Variants in WTAP observed in about 807,000 individuals in gnomAD.
WTAP encodes pre-mRNA-splicing regulator WTAP.
In WTAP, 8 loss-of-function variants were observed where a neutral mutation model predicts 50.0. The ratio of observed to expected loss-of-function variants is 0.16; its 90% confidence interval spans 0.09 to 0.29. The LOEUF (loss-of-function observed/expected upper bound fraction) is 0.29, where lower values mean the gene tolerates loss of function less well. Among genes scored for constraint, WTAP ranks in the 10% least tolerant of loss-of-function variants. The pLI is 1.00. For synonymous variants in WTAP, 194 were observed against 169.0 expected, an observed-to-expected ratio of 1.15 and a Z score of -1.15; for missense variants, 295 against 470.7, an observed-to-expected ratio of 0.63 and a Z score of 3.45.
Position 159,755,047 on chromosome 6 carries a change from C to T in WTAP, c.627C>T (p.Ile209=). The stretch of plus-strand genomic sequence containing the variant: ...GCACAGAACTGAATGACTTCATCAT[C>T]CAGCTTGATGAAGAAGTAGAGGGTA... ...SSQDELNDFI[I]QLDEEVEGMQ... Residue 209 remains isoleucine, a synonymous_variant, in exon 8 of 8, where the codon ATC becomes ATT. Transcript: ENST00000621533. 1 of 1,612,702 alleles carries T rather than the reference C, an allele frequency of 6.2e-7. No individual in the cohort carries two copies. The highest frequency in any genetic ancestry group is 8.5e-7 in the Non-Finnish European group (1 of 1,179,178).
intron 1 of WTAP, among the ~76,000 whole-genome samples, chr6:159,734,068 G>C (rs943040340): frequency 6.6e-6 from 1 of 152,184 alleles, no homozygotes; most frequent in African/African-American, 2.4e-5. Flanking sequence ...CATTTATAAA[G>C]TGGAGTTGAG....
In WTAP at chr6:159,755,767, T is replaced by TAA; in HGVS notation, c.*156_*157insAA. On this transcript the variant is annotated 3_prime_UTR_variant, in exon 8 of 8. Transcript: ENST00000621533. ...TTTCTTTGTTTTTTTTTTCTTTTCT[T>TAA]TTTTTTTTTTTTTTTTTTTTTTTGC... 2.9e-6 allele frequency: 1 copy of TAA among 343,090 alleles called. No homozygotes were observed. The highest frequency in any genetic ancestry group is 4.0e-6 in the Non-Finnish European group (1 of 251,772). 21.3% of individuals were successfully genotyped at this position (343,090 alleles called of 1,614,324 possible).
At chr6:159,741,893 C>G (rs964961811) in intron 3 of WTAP, 195 bp from the exon 4 acceptor site, 1 of 470,072 alleles carries the variant, frequency 2.1e-6, no homozygotes. Flanking sequence ...CGCTTGAGCC[C>G]AGACCCTGTT....
intron 5 of WTAP, 57 bp downstream of exon 5, chr6:159,743,849 A>G: frequency 2.7e-6 from 4 of 1,500,870 alleles, no homozygotes; most frequent in East Asian, 2.4e-5. Context: ...TTTAGTCCAC[A>G]TTATTACATG....
Position 159,755,788 on chromosome 6 carries a change from T to TTTTTTTTTTTTTTTTTTTTTTTTTTTTTA in WTAP, c.*179_*180insTTTTTTTTTTTTTTTTTTTTTTTTTTATT. The TTTTTTTTTTTTTTTTTTTTTTTTTTTTTA allele has an allele frequency of 1.0e-6, 1 of 964,794 alleles. No homozygotes were observed. Among genetic ancestry groups the TTTTTTTTTTTTTTTTTTTTTTTTTTTTTA allele is most frequent in the Non-Finnish European group, 1.3e-6 (1 of 743,806 alleles). 59.8% of individuals were successfully genotyped at this position (964,794 alleles called of 1,614,324 possible). ...TTCTTTTTTTTTTTTTTTTTTTTTT[T>TTTTTTTTTTTTTTTTTTTTTTTTTTTTTA]TTGCTTCAATACTTCTGCCGCTTTG... On this transcript the variant is annotated 3_prime_UTR_variant, in exon 8 of 8. Coordinates refer to ENST00000621533, the MANE Select transcript of WTAP (RefSeq NM_001270531.2).
intron 6 of WTAP, among the ~76,000 whole-genome samples, chr6:159,750,157 T>C (rs1248525257): frequency 6.6e-6 from 1 of 152,210 alleles, no homozygotes; most frequent in African/African-American, 2.4e-5. Flanking sequence ...CCAGATCTGT[T>C]TGAAATTAGC....
At chr6:159,747,850 G>A (rs1288224549) in intron 5 of WTAP, among the ~76,000 whole-genome samples, 1 of 152,002 alleles carries the variant, frequency 6.6e-6, no homozygotes, top group East Asian at 1.9e-4. Flanking sequence ...CAGATTTGGA[G>A]ATGTAATCAA....
rs1247204762 is a variant in WTAP, at chr6:159,738,996, T to C, written c.37T>C (p.Leu13=). The change falls in exon 3 of 8, where the codon TTG becomes CTG. Residue 13 remains leucine (L), a synonymous_variant. Coordinates refer to ENST00000621533, the MANE Select transcript of WTAP (RefSeq NM_001270531.2). The part of the protein sequence containing the change: ...NEEPLPKKVR[L]SETDFKVMAR... ...ATTGTAATTCTCTTTATAGGTTCGA[T>C]TGAGTGAAACAGACTTCAAAGTTAT... 4 of 1,611,232 alleles carry C rather than the reference T, an allele frequency of 2.5e-6. No individual in the cohort carries two copies. Among genetic ancestry groups the C allele is most frequent in the East Asian group, 2.2e-5 (1 of 44,692 alleles).
intron 1 of WTAP, among the ~76,000 whole-genome samples, chr6:159,731,304 GAAAA>G (rs974765366): frequency 1.4e-5 from 2 of 141,248 alleles, no homozygotes; most frequent in South Asian, 2.3e-4. Flanking sequence ...CTACTACCAA[GAAAA>G]AAAAAACAAA....
At chr6:159,750,846 C>CT (rs35685019) in intron 6 of WTAP, among the ~76,000 whole-genome samples, 1 of 152,040 alleles carries the variant, frequency 6.6e-6, no homozygotes, top group Non-Finnish European at 1.5e-5. Flanking sequence ...CAGGCAATCC[C>CT]GTCTGGAATA....
upstream of WTAP, chr6:159,727,152 C>T: frequency 3.3e-6 from 4 of 1,194,778 alleles, no homozygotes; most frequent in Non-Finnish European, 4.2e-6. Context: ...CTCCGGGGCC[C>T]GCGGAGCTCG....
chr6:159,726,801 C>T, upstream of WTAP: 2 of 1,289,224 alleles, frequency 1.6e-6, no homozygotes, highest in Middle Eastern at 2.1e-4. Context: ...GAGACTGCGC[C>T]TCACGACTGA....
intron 5 of WTAP, among the ~76,000 whole-genome samples, chr6:159,744,548 T>C (rs750525360): frequency 2.6e-5 from 4 of 152,188 alleles, no homozygotes; most frequent in Non-Finnish European, 4.4e-5. Flanking sequence ...CTTTTGCCAA[T>C]AGAATGTTCC....
chr6:159,727,078 GCTGA>G (rs1382696274), upstream of WTAP: 1 of 1,203,146 alleles, frequency 8.3e-7, no homozygotes, highest in Admixed American at 3.2e-5. Context: ...ATGCCCTGGG[GCTGA>G]CCTCCGACCT....
intron 1 of WTAP, among the ~76,000 whole-genome samples, chr6:159,734,223 G>T (rs556468120): frequency 6.6e-6 from 1 of 151,646 alleles, no homozygotes; most frequent in Non-Finnish European, 1.5e-5. Flanking sequence ...CACATTGCCC[G>T]GGCTCGGTTC....
chr6:159,748,041 T>C lies in WTAP; in HGVS notation c.274-150T>C. ...TTTAGTCTGTACTTTTTCTAGAAAG[T>C]TTTAAGATTTTTCTAGAGAATTTCA... On this transcript the variant is annotated intron_variant, in intron 5 of 7. Transcript: ENST00000621533. The surrounding 1 kb of genome is among the most constrained non-coding windows in gnomAD (Gnocchi z 5.6). 9.7e-7 allele frequency: 1 copy of C among 1,034,522 alleles called. No homozygotes were observed. Among genetic ancestry groups the C allele is most frequent in the South Asian group, 1.8e-5 (1 of 55,710 alleles). The allele number at this position is 1,034,522 out of a possible 1,614,324, so 64.1% of individuals were successfully genotyped here.
intron 2 of WTAP, among the ~76,000 whole-genome samples, chr6:159,737,812 G>A (rs1779012895): frequency 6.6e-6 from 1 of 152,198 alleles, no homozygotes; most frequent in Non-Finnish European, 1.5e-5. Context: ...ACTGAGGTAG[G>A]AGAGGTATCT....
chr6:159,755,765 CTTTTTTTTTT>C lies in WTAP; in HGVS notation c.*170_*179del. Reference sequence around the variant, plus strand: ...TTTTTCTTTGTTTTTTTTTTCTTTTCTTTTTTTTTTTTTTTTTTTTTTTTTGCTTCAATAC... The same window carrying C: ...TTTTTCTTTGTTTTTTTTTTCTTTTCTTTTTTTTTTTTTTTGCTTCAATAC... On this transcript the variant is annotated 3_prime_UTR_variant, in exon 8 of 8. Coordinates refer to ENST00000621533, the MANE Select transcript of WTAP (RefSeq NM_001270531.2). 72 of 173,366 alleles carry C rather than the reference CTTTTTTTTTT, an allele frequency of 4.2e-4. No individual in the cohort carries two copies. The East Asian group carries it at 0.01, about 25-fold the overall frequency. The allele number at this position is 173,366 out of a possible 1,614,324, so 10.7% of individuals were successfully genotyped here.
chr6:159,730,157 C>T (rs777813035), intron 1 of WTAP, among the ~76,000 whole-genome samples: 6 of 152,166 alleles, frequency 3.9e-5, no homozygotes, highest in Non-Finnish European at 8.8e-5. Context: ...CTGTTTTAAT[C>T]ACCTAATAGC....
Sources: gnomAD v4.1 joint callset for allele counts (sites outside exome capture counted in the v4.1 genomes callset) on GRCh38, gnomAD v4.1.1 for gene constraint, Gnocchi (gnomAD v3.1) non-coding constraint, MANE v1.5 for transcripts, NCBI Gene and HGNC (gene_info 2026-07-23, HGNC 2026-07-21) for gene names.